RASD2: variants seen among roughly 807,000 people sequenced by gnomAD.
RASD2 encodes RASD family member 2.
Under a neutral mutation model 15.8 loss-of-function variants are expected in RASD2, and 7 were observed. That is an observed-to-expected ratio of 0.44 (90% CI 0.25 to 0.83). The LOEUF is 0.83. Among genes scored for constraint, RASD2 ranks in the 40% least tolerant of loss-of-function variants. The probability of loss-of-function intolerance (pLI) is 0.20; values close to 1 mark genes in which losing one functional copy is unlikely to be tolerated. For synonymous variants in RASD2, 155 were observed against 153.6 expected (o/e 1.01, Z -0.07); for missense variants, 274 against 382.8 (o/e 0.72, Z 2.37).
At chr22:35,538,430 A>G (rs1934276342), upstream of RASD2, among the ~76,000 whole-genome samples, 1 of 150,002 alleles carries the variant, frequency 6.7e-6, no homozygotes, top group African/African-American at 2.5e-5. Context: ...GGGTCTGATG[A>G]GGGATGATAA....
At chr22:35,543,520 G>A (rs1181524837) in intron 1 of RASD2, among the ~76,000 whole-genome samples, 1 of 152,214 alleles carries the variant, frequency 6.6e-6, no homozygotes, top group East Asian at 1.9e-4. Context: ...GGAGAAGGGA[G>A]AACAGGCTGC....
chr22:35,549,656 T>G (rs6518957), intron 2 of RASD2, among the ~76,000 whole-genome samples: 44,965 of 151,998 alleles, frequency 0.3, 7,116 homozygotes, highest in African/African-American at 0.4. Context: ...CATTCAGGCT[T>G]CCTTGGTTAA....
chr22:35,551,759 C>T lies in RASD2; in HGVS notation c.528C>T (p.Asn176=), dbSNP rs759068234. The part of the protein sequence containing the change: ...CAYFEVSAKK[N]TNVDEMFYVL... ...ACTTCGAGGTGTCGGCCAAGAAGAA[C>T]ACCAACGTGGACGAGATGTTCTACG... Residue 176 remains asparagine (N), a synonymous_variant, in exon 3 of 3, where the codon AAC becomes AAT. Transcript: ENST00000216127. The surrounding 1 kb of genome is among the most constrained non-coding windows in gnomAD (Gnocchi z 4.9). 1 of 1,614,120 alleles carries T rather than the reference C, an allele frequency of 6.2e-7. No homozygotes were observed. Among genetic ancestry groups the T allele is most frequent in the Admixed American group, 1.7e-5 (1 of 60,016 alleles).
At chr22:35,547,490 G>T (rs1934537946) in intron 2 of RASD2, among the ~76,000 whole-genome samples, 1 of 152,242 alleles carries the variant, frequency 6.6e-6, no homozygotes, top group Non-Finnish European at 1.5e-5. Context: ...ACCTCCTAGA[G>T]AGGTAAGGGC....
At position 35,551,376 on chromosome 22, in the gene RASD2, A is replaced by T; in HGVS notation, c.272-127A>T. 1.1e-6 allele frequency: 1 copy of T among 880,286 alleles called. No homozygotes were observed. Among genetic ancestry groups the T allele is most frequent in the Non-Finnish European group, 1.8e-6 (1 of 556,056 alleles). 54.5% of individuals were successfully genotyped at this position (880,286 alleles called of 1,614,324 possible). A position where few individuals can be genotyped will look rare whatever the true frequency, so the allele number is the denominator to read the frequency against. On this transcript the variant is annotated intron_variant, in intron 2 of 2. Transcript: ENST00000216127. The surrounding 1 kb of genome is among the most constrained non-coding windows in gnomAD (Gnocchi z 4.9). ...GAAGAGTCGCTGTGTAGGTTAAAGC[A>T]GTTATGCCGCATAACTGCTTCAGGG...
upstream of RASD2, among the ~76,000 whole-genome samples, chr22:35,537,527 C>A (rs1026667960): frequency 2.0e-5 from 3 of 152,156 alleles, no homozygotes; most frequent in African/African-American, 4.8e-5. Context: ...TTATTTTAAT[C>A]CTCCCAACAA....
At chr22:35,546,686 T>C (rs1934511131) in intron 1 of RASD2, 115 bp from the exon 2 acceptor site, 1 of 1,372,982 alleles carries the variant, frequency 7.3e-7, no homozygotes, top group Admixed American at 2.7e-5. Flanking sequence ...CCTCGTCTGA[T>C]GTTCCCATTT....
At chr22:35,538,024 C>A (rs715556), upstream of RASD2, among the ~76,000 whole-genome samples, 78,306 of 151,352 alleles carry the variant, frequency 0.52, 21,083 homozygotes, top group Non-Finnish European at 0.59. Context: ...CGGCTCACTG[C>A]AACCTCTGCC....
At position 35,552,338 on chromosome 22, in the gene RASD2, A is replaced by G; in HGVS notation, c.*306A>G. ...TCTCCTGGGGTTGGAAGAAATGTTGATGCCAGAGGGGTGAGGATTGCTGCG... is the reference window on the plus strand; with the variant it reads ...TCTCCTGGGGTTGGAAGAAATGTTGGTGCCAGAGGGGTGAGGATTGCTGCG... On this transcript the variant is annotated 3_prime_UTR_variant, in exon 3 of 3. Transcript: ENST00000216127. 2 of 429,146 alleles carry G rather than the reference A, an allele frequency of 4.7e-6. No individual in the cohort carries two copies. The highest frequency in any genetic ancestry group is 7.3e-5 in the South Asian group (2 of 27,586). 26.6% of individuals were successfully genotyped at this position (429,146 alleles called of 1,614,324 possible).
chr22:35,542,709 A>G (rs1385383879), intron 1 of RASD2, among the ~76,000 whole-genome samples: 2 of 152,216 alleles, frequency 1.3e-5, no homozygotes, highest in African/African-American at 4.8e-5. Context: ...GCTCTGGGGC[A>G]TACACCGGGA....
upstream of RASD2, among the ~76,000 whole-genome samples, chr22:35,537,656 G>A (rs546467691): frequency 6.6e-6 from 1 of 152,298 alleles, no homozygotes; most frequent in East Asian, 1.9e-4. Context: ...GGAGCCCAGA[G>A]GAGGAGATTC....
upstream of RASD2, among the ~76,000 whole-genome samples, chr22:35,536,996 T>C (rs1404024679): frequency 6.6e-6 from 1 of 152,230 alleles, no homozygotes; most frequent in African/African-American, 2.4e-5. Context: ...AGCCTGGGTT[T>C]TGGTATCTTT....
intron 2 of RASD2, 123 bp downstream of exon 2, chr22:35,547,203 A>G (rs1934529774): frequency 5.6e-6 from 7 of 1,251,806 alleles, no homozygotes; most frequent in Non-Finnish European, 7.7e-6. Context: ...TCATCCCTGC[A>G]CAATGAGGCT....
chr22:35,549,167 C>T (rs746914234), intron 2 of RASD2, among the ~76,000 whole-genome samples: 78 of 152,396 alleles, frequency 5.1e-4, no homozygotes, highest in Non-Finnish European at 8.2e-4. Flanking sequence ...GCCCCTGCCC[C>T]GGAGGTGGCC....
chr22:35,535,478 T>C, the RASD2 span, among the ~76,000 whole-genome samples: 11 of 152,008 alleles, frequency 7.2e-5, no homozygotes, highest in South Asian at 2.1e-4. Context: ...TCCAAATCTA[T>C]TGGAACCCCA....
At chr22:35,547,199 C>G in intron 2 of RASD2, 119 bp downstream of exon 2, 2 of 1,272,984 alleles carry the variant, frequency 1.6e-6, no homozygotes. Flanking sequence ...GGCGTCATCC[C>G]TGCACAATGA....
the RASD2 span, among the ~76,000 whole-genome samples, chr22:35,533,297 TGGA>T: frequency 6.6e-6 from 1 of 152,222 alleles, no homozygotes; most frequent in East Asian, 1.9e-4. Flanking sequence ...TGATAGAGGA[TGGA>T]GGAGACACCT....
chr22:35,550,030 G>A (rs1171711238), intron 2 of RASD2, among the ~76,000 whole-genome samples: 1 of 152,276 alleles, frequency 6.6e-6, no homozygotes, highest in Non-Finnish European at 1.5e-5. Context: ...GGAGGCCGAG[G>A]TGGGCAGATC....
At chr22:35,539,832 AG>A (rs1934297764), upstream of RASD2, among the ~76,000 whole-genome samples, 1 of 152,224 alleles carries the variant, frequency 6.6e-6, no homozygotes, top group South Asian at 2.1e-4. Flanking sequence ...GATATGGCCC[AG>A]TGAGAAGGCC....
Sources: gnomAD v4.1 joint callset for allele counts (sites outside exome capture counted in the v4.1 genomes callset) on GRCh38, gnomAD v4.1.1 for gene constraint, Gnocchi (gnomAD v3.1) non-coding constraint, MANE v1.5 for transcripts, NCBI Gene and HGNC (gene_info 2026-07-23, HGNC 2026-07-21) for gene names.